Variants in PACRG observed in about 807,000 individuals in gnomAD.
The protein encoded by PACRG is parkin coregulated gene protein.
Under a neutral mutation model 29.7 loss-of-function variants are expected in PACRG, and 29 were observed. That is an observed-to-expected ratio of 0.98 (90% CI 0.73 to 1.33). PACRG has a LOEUF of 1.33. Ranked by LOEUF, PACRG falls within the 40% of genes most tolerant of loss-of-function variation. The pLI, the probability that PACRG is intolerant of heterozygous loss-of-function variation, is 0.00. For missense variants in PACRG, 279 were observed against 316.2 expected, an observed-to-expected ratio of 0.88 and a Z score of 0.89; for synonymous variants, 116 against 118.7, an observed-to-expected ratio of 0.98 and a Z score of 0.15.
intron 4 of PACRG, among the ~76,000 whole-genome samples, chr6:163,219,497 G>A (rs1334479620): frequency 1.3e-5 from 2 of 152,158 alleles, no homozygotes; most frequent in Non-Finnish European, 2.9e-5. Flanking sequence ...CTATGCAAAA[G>A]AGTTATCTTT....
chr6:162,824,866 G>A (rs1003542928), intron 2 of PACRG, among the ~76,000 whole-genome samples: 3 of 152,184 alleles, frequency 2.0e-5, no homozygotes, highest in African/African-American at 7.2e-5. Flanking sequence ...AAGACAGATT[G>A]CTTCCGCTTG....
intron 2 of PACRG, among the ~76,000 whole-genome samples, chr6:162,980,003 A>G (rs1324320357): frequency 2.0e-5 from 3 of 150,260 alleles, no homozygotes; most frequent in Non-Finnish European, 4.4e-5. Flanking sequence ...AAAAATTTAT[A>G]TTTAGAAAGA....
intron 1 of PACRG, among the ~76,000 whole-genome samples, chr6:162,752,561 C>A (rs1375747303): frequency 6.6e-6 from 1 of 152,168 alleles, no homozygotes; most frequent in Non-Finnish European, 1.5e-5. Flanking sequence ...CCCCACAAGT[C>A]TTGTCTTAGG....
chr6:163,213,508 T>C (rs1018283720), intron 4 of PACRG, among the ~76,000 whole-genome samples: 1 of 152,314 alleles, frequency 6.6e-6, no homozygotes, highest in South Asian at 2.1e-4. Flanking sequence ...GTGTTACGAT[T>C]ATGTAGGAGA....
chr6:162,997,278 A>G (rs1431394722), intron 2 of PACRG: 1 of 315,684 alleles, frequency 3.2e-6, no homozygotes, highest in East Asian at 1.0e-4. Flanking sequence ...TGTGCTGACT[A>G]TAATTGGATT....
chr6:162,923,638 G>A (rs939210761), intron 2 of PACRG, among the ~76,000 whole-genome samples: 3 of 151,868 alleles, frequency 2.0e-5, no homozygotes, highest in Non-Finnish European at 4.4e-5. Flanking sequence ...TATGTTCTTG[G>A]CATCTTTGTT....
intron 2 of PACRG, among the ~76,000 whole-genome samples, chr6:163,037,275 C>A (rs964107876): frequency 2.6e-5 from 4 of 152,186 alleles, no homozygotes; most frequent in African/African-American, 9.6e-5. Flanking sequence ...TGTCAGCAGA[C>A]GCTTAGTTGG....
intron 2 of PACRG, among the ~76,000 whole-genome samples, chr6:162,828,631 T>C (rs953842269): frequency 5.9e-5 from 9 of 151,938 alleles, no homozygotes; most frequent in Middle Eastern, 3.4e-3. Flanking sequence ...TAAAGCAGGG[T>C]GAAAGAGAGA....
chr6:162,932,514 G>A (rs1797927390), intron 2 of PACRG, among the ~76,000 whole-genome samples: 2 of 151,882 alleles, frequency 1.3e-5, no homozygotes. Context: ...ACTGGGTCCT[G>A]GGCTTTTCCT....
Position 163,268,211 on chromosome 6 carries a change from C to T in PACRG, c.614-46616C>T, listed in dbSNP as rs182296909. 3.7e-3 allele frequency among the ~76,000 whole-genome samples: 558 copies of T among 152,020 alleles called. 10 individuals are homozygous for T. Among genetic ancestry groups the T allele is most frequent in the East Asian group, 0.026 (132 of 5,164 alleles). On this transcript the variant is annotated intron_variant, in intron 4 of 4. Transcript: ENST00000366888. ...GTCAGGGGATTGAGACCATCCTGGC[C>T]AACATGGTGAAACCCCATCTCTACT...
intron 4 of PACRG, among the ~76,000 whole-genome samples, chr6:163,235,679 C>G (rs1249304700): frequency 1.3e-5 from 2 of 152,214 alleles, no homozygotes; most frequent in Non-Finnish European, 2.9e-5. Flanking sequence ...TCCTCTTATA[C>G]ATTTCTCTCT....
intron 4 of PACRG, among the ~76,000 whole-genome samples, chr6:163,260,173 A>T (rs1165317006): frequency 6.6e-6 from 1 of 152,050 alleles, no homozygotes; most frequent in Non-Finnish European, 1.5e-5. Context: ...ACTTCCATGG[A>T]GCTCTGCTCA....
chr6:163,244,444 A>C (rs1212265499), intron 4 of PACRG, among the ~76,000 whole-genome samples: 3 of 152,152 alleles, frequency 2.0e-5, no homozygotes, highest in African/African-American at 7.2e-5. Context: ...GTGCCTTGCA[A>C]TTGCACAAAT....
chr6:162,779,107 G>A (rs890688530), intron 1 of PACRG, among the ~76,000 whole-genome samples: 8 of 152,040 alleles, frequency 5.3e-5, no homozygotes, highest in Non-Finnish European at 7.4e-5. Context: ...ATTCGGCTCC[G>A]ACTTATAAGC....
chr6:162,762,562 A>G lies in PACRG; in HGVS notation c.156+34171A>G, dbSNP rs80083017. Among the ~76,000 whole-genome samples, 431 of 152,304 alleles carry G rather than the reference A, an allele frequency of 2.8e-3. 1 individual carries two copies. Among genetic ancestry groups the G allele is most frequent in the African/African-American group, 9.9e-3 (413 of 41,570 alleles). On this transcript the variant is annotated intron_variant, in intron 1 of 4. Coordinates refer to ENST00000366888, the MANE Select transcript of PACRG (RefSeq NM_001080379.2). ...TTTTAGCTTAAAAGGCCAGAAGTGT[A>G]TAGGGATTTTTAAAAAAGGCTTTAG...
chr6:163,314,338 A>G (rs1285334673), intron 4 of PACRG, among the ~76,000 whole-genome samples: 1 of 152,210 alleles, frequency 6.6e-6, no homozygotes, highest in Non-Finnish European at 1.5e-5. Flanking sequence ...GAACACTTGG[A>G]TTACTGGGAT....
intron 2 of PACRG, among the ~76,000 whole-genome samples, chr6:162,833,434 T>C (rs1788949273): frequency 6.6e-6 from 1 of 152,238 alleles, no homozygotes; most frequent in South Asian, 2.1e-4. Flanking sequence ...CTTGCCTTGA[T>C]AACTTGTTTG....
intron 2 of PACRG, among the ~76,000 whole-genome samples, chr6:162,993,046 C>G (rs887126963): frequency 2.8e-5 from 4 of 142,130 alleles, no homozygotes; most frequent in Non-Finnish European, 6.1e-5. Context: ...TGTAGTTGAG[C>G]GGCTTTGAGT....
At chr6:162,907,782 G>T (rs1309281768) in intron 2 of PACRG, among the ~76,000 whole-genome samples, 1 of 152,086 alleles carries the variant, frequency 6.6e-6, no homozygotes, top group Non-Finnish European at 1.5e-5. Flanking sequence ...TATTTTGAAA[G>T]CAAGTCCTAA....
Sources: gnomAD v4.1 joint callset for allele counts (sites outside exome capture counted in the v4.1 genomes callset) on GRCh38, gnomAD v4.1.1 for gene constraint, MANE v1.5 for transcripts, NCBI Gene and HGNC (gene_info 2026-07-23, HGNC 2026-07-21) for gene names.